The following PTPRM variants were observed in gnomAD, a reference collection of about 807,000 sequenced individuals.
The protein encoded by PTPRM is protein tyrosine phosphatase receptor type M, also known as receptor-type tyrosine-protein phosphatase mu.
PTPRM carries 47 observed loss-of-function variants against 186.7 expected under a neutral mutation model. The observed-to-expected ratio is 0.25, with a 90% confidence interval of 0.20 to 0.32. The LOEUF (loss-of-function observed/expected upper bound fraction) is 0.32, where lower values mean the gene tolerates loss of function less well. Among genes scored for constraint, PTPRM ranks in the 10% least tolerant of loss-of-function variants. The pLI, the probability that PTPRM is intolerant of heterozygous loss-of-function variation, is 1.00. For synonymous variants in PTPRM, 668 were observed against 674.9 expected (o/e 0.99, Z 0.16); for missense variants, 1,494 against 1,865.0 (o/e 0.80, Z 3.66).
At chr18:7,701,445 A>C (rs1219943317) in intron 1 of PTPRM, among the ~76,000 whole-genome samples, 1 of 142,456 alleles carries the variant, frequency 7.0e-6, no homozygotes, top group Non-Finnish European at 1.5e-5. Flanking sequence ...CTAAAAATAA[A>C]AAAAAGTAGC....
chr18:8,287,944 C>T (rs77004447), intron 19 of PTPRM, among the ~76,000 whole-genome samples: 6,777 of 152,250 alleles, frequency 0.045, 182 homozygotes, highest in African/African-American at 0.066. Context: ...ATTAAATTAC[C>T]ATGGCCTCTT....
At chr18:8,383,944 T>C (rs1010971210) in intron 29 of PTPRM, among the ~76,000 whole-genome samples, 2 of 152,078 alleles carry the variant, frequency 1.3e-5, no homozygotes, top group Non-Finnish European at 2.9e-5. Context: ...CCCTTCACCA[T>C]GCAAAAGGGG....
chr18:8,221,452 T>C (rs1423845622), intron 14 of PTPRM, among the ~76,000 whole-genome samples: 2 of 152,236 alleles, frequency 1.3e-5, no homozygotes, highest in African/African-American at 2.4e-5. Flanking sequence ...CAGAGTTTAA[T>C]TGAGCAAGGA....
At chr18:8,369,128 G>A (rs2095649344) in intron 23 of PTPRM, among the ~76,000 whole-genome samples, 1 of 152,192 alleles carries the variant, frequency 6.6e-6, no homozygotes, top group South Asian at 2.1e-4. Context: ...TTTGGATCAT[G>A]GGGTATGTTT....
At chr18:8,091,177 A>C (rs377593905) in intron 11 of PTPRM, among the ~76,000 whole-genome samples, 1 of 152,152 alleles carries the variant, frequency 6.6e-6, no homozygotes, top group African/African-American at 2.4e-5. Flanking sequence ...TCCAAAATAC[A>C]TAACTTTCAC....
chr18:8,153,236 G>T (rs576090938), intron 14 of PTPRM, among the ~76,000 whole-genome samples: 1 of 152,310 alleles, frequency 6.6e-6, no homozygotes, highest in South Asian at 2.1e-4. Context: ...CAAGTTCTCT[G>T]TGAGGAATAG....
At chr18:8,280,295 A>G (rs531377761) in intron 19 of PTPRM, among the ~76,000 whole-genome samples, 1 of 151,462 alleles carries the variant, frequency 6.6e-6, no homozygotes, top group East Asian at 2.0e-4. Flanking sequence ...ATCCACCCAT[A>G]TGACCTTAGT....
chr18:7,852,677 T>G (rs940729973), intron 2 of PTPRM, among the ~76,000 whole-genome samples: 1 of 150,624 alleles, frequency 6.6e-6, no homozygotes, highest in Non-Finnish European at 1.5e-5. Context: ...AGAGCGAGAC[T>G]CCCTCTCAAA....
chr18:7,569,238 A>G (rs1247994210), intron 1 of PTPRM, among the ~76,000 whole-genome samples: 1 of 152,148 alleles, frequency 6.6e-6, no homozygotes, highest in Non-Finnish European at 1.5e-5. Context: ...CAGGCACATT[A>G]GTTGTGTCTT....
At chr18:7,772,349 C>CTTTCTTTCTT (rs775447799) in intron 1 of PTPRM, among the ~76,000 whole-genome samples, 17 of 96,112 alleles carry the variant, frequency 1.8e-4, no homozygotes, top group African/African-American at 7.0e-4. Context: ...TTCTTTCTTT[C>CTTTCTTTCTT]TCTTTCTTTC....
intron 7 of PTPRM, among the ~76,000 whole-genome samples, chr18:8,025,828 A>G (rs1407611338): frequency 6.6e-6 from 1 of 152,072 alleles, no homozygotes; most frequent in Non-Finnish European, 1.5e-5. Flanking sequence ...AACTCCAAGG[A>G]TTTCTTTTTA....
intron 14 of PTPRM, among the ~76,000 whole-genome samples, chr18:8,214,763 A>G (rs2094056498): frequency 6.6e-6 from 1 of 152,148 alleles, no homozygotes; most frequent in African/African-American, 2.4e-5. Flanking sequence ...TCCCAGGTTC[A>G]AGCGATTCTC....
At chr18:7,597,879 C>G (rs974706928) in intron 1 of PTPRM, among the ~76,000 whole-genome samples, 3 of 152,156 alleles carry the variant, frequency 2.0e-5, no homozygotes, top group African/African-American at 7.2e-5. Flanking sequence ...AAAGCTTACT[C>G]CCTAAAACTA....
At chr18:7,685,655 C>T (rs1250044339) in intron 1 of PTPRM, among the ~76,000 whole-genome samples, 1 of 151,938 alleles carries the variant, frequency 6.6e-6, no homozygotes, top group Non-Finnish European at 1.5e-5. Flanking sequence ...TTGATAGTTA[C>T]CAAGTCCTAG....
rs530248138 is a variant in PTPRM, at chr18:7,708,730, A to AT, written c.74-65411dup. Among the ~76,000 whole-genome samples, 11 of 152,054 alleles carry AT rather than the reference A, an allele frequency of 7.2e-5. No homozygotes were observed. In the East Asian group the frequency reaches 1.4e-3, roughly 19 times the overall value. On this transcript the variant is annotated intron_variant, in intron 1 of 32. Coordinates refer to ENST00000580170, the MANE Select transcript of PTPRM (RefSeq NM_001105244.2). ...TGGTAGAGGCTAGACTCCACAGTTC[A>AT]TTTTTTTTATTTCTTTAGTCCACTT...
chr18:8,076,159 A>G (rs955429588), intron 8 of PTPRM, among the ~76,000 whole-genome samples: 1 of 152,158 alleles, frequency 6.6e-6, no homozygotes, highest in East Asian at 1.9e-4. Context: ...GAGAATTCTC[A>G]TCACTTGAAA....
intron 2 of PTPRM, among the ~76,000 whole-genome samples, chr18:7,788,787 T>G (rs960271347): frequency 1.7e-4 from 26 of 152,324 alleles, no homozygotes; most frequent in Non-Finnish European, 3.7e-4. Context: ...TTTGCTAATA[T>G]TTGAAAGGCA....
chr18:7,852,677 T>C (rs940729973), intron 2 of PTPRM, among the ~76,000 whole-genome samples: 1 of 150,624 alleles, frequency 6.6e-6, no homozygotes, highest in South Asian at 2.1e-4. Flanking sequence ...AGAGCGAGAC[T>C]CCCTCTCAAA....
chr18:7,634,252 T>C (rs2038260284), intron 1 of PTPRM, among the ~76,000 whole-genome samples: 2 of 152,162 alleles, frequency 1.3e-5, no homozygotes, highest in African/African-American at 4.8e-5. Context: ...TCCCATTTTG[T>C]TCACTGCCAT....
Sources: gnomAD v4.1 joint callset for allele counts (sites outside exome capture counted in the v4.1 genomes callset) on GRCh38, gnomAD v4.1.1 for gene constraint, MANE v1.5 for transcripts, NCBI Gene and HGNC (gene_info 2026-07-23, HGNC 2026-07-21) for gene names.